The following ZNF717 variants were observed in gnomAD, a reference collection of about 807,000 sequenced individuals.
ZNF717 encodes krueppel-like factor X17.
Under a neutral mutation model 13.8 loss-of-function variants are expected in ZNF717, and 9 were observed. The ratio of observed to expected loss-of-function variants is 0.65; its 90% confidence interval spans 0.39 to 1.14. The LOEUF (loss-of-function observed/expected upper bound fraction) is 1.14. Among genes scored for constraint, ZNF717 ranks in the 50% most tolerant of loss-of-function variants. The pLI is 0.01. For synonymous variants in ZNF717, 327 were observed against 364.1 expected, an observed-to-expected ratio of 0.90 and a Z score of 1.16; for missense variants, 1,040 against 1,080.7, an observed-to-expected ratio of 0.96 and a Z score of 0.53.
chr3:75,773,183 C>T (rs1482962795), intron 2 of ZNF717, among the ~76,000 whole-genome samples: 11 of 151,886 alleles, frequency 7.2e-5, no homozygotes, highest in Non-Finnish European at 7.4e-5. Flanking sequence ...TCATTTTTCT[C>T]GCATGCTTAG....
intron 2 of ZNF717, among the ~76,000 whole-genome samples, chr3:75,764,775 A>T (rs1409952308): frequency 6.6e-6 from 1 of 152,002 alleles, no homozygotes; most frequent in Non-Finnish European, 1.5e-5. Context: ...TGAAACTGAA[A>T]CCCTTGTACA....
chr3:75,737,596 T>C lies in ZNF717; in HGVS notation c.2027A>G (p.Asp676Gly), dbSNP rs1418690148. Reference sequence around the variant, plus strand: ...AAAAAGTTTTTCCACATTCATTACATCCATACGGTTTTTCCCCGTGTGAGT... The same window carrying C: ...AAAAAGTTTTTCCACATTCATTACACCCATACGGTTTTTCCCCGTGTGAGT... Reference protein sequence around the residue: ...QRTHTGKNRMDVMNVEKLFVR... With the variant: ...QRTHTGKNRMGVMNVEKLFVR... Residue 676 changes from aspartate to glycine, a missense_variant, in exon 5 of 5, where the codon GAT (aspartate) becomes GGT (glycine). Physicochemically the swap from Asp to Gly is moderately conservative, Grantham distance 94 (BLOSUM62 -1). This residue lies in a region of ZNF717 where 873 missense variants were observed against 832.8 expected (regional missense o/e 1.05). Transcript: ENST00000652011. 1 of 1,544,380 alleles carries C rather than the reference T, an allele frequency of 6.5e-7. No individual in the cohort carries two copies. Among genetic ancestry groups the C allele is most frequent in the African/African-American group, 1.4e-5 (1 of 72,864 alleles).
intron 2 of ZNF717, among the ~76,000 whole-genome samples, chr3:75,781,475 A>T (rs187043524): frequency 4.0e-4 from 61 of 152,326 alleles, no homozygotes; most frequent in African/African-American, 1.3e-3. Flanking sequence ...TTTTAACAGA[A>T]CTAACACAGA....
At chr3:75,765,303 A>G (rs1943375524) in intron 2 of ZNF717, among the ~76,000 whole-genome samples, 1 of 152,174 alleles carries the variant, frequency 6.6e-6, no homozygotes, top group Non-Finnish European at 1.5e-5. Flanking sequence ...CTGCTACACA[A>G]CACTGTAAAT....
chr3:75,708,814 G>T (rs1575714738), downstream of ZNF717, among the ~76,000 whole-genome samples: 1 of 152,196 alleles, frequency 6.6e-6, no homozygotes, highest in Admixed American at 6.5e-5. Context: ...ATAAATGAAA[G>T]AGGTTTAATT....
At chr3:75,711,852 A>C (rs1167672324) in intron 5 of ZNF717, among the ~76,000 whole-genome samples, 2 of 152,238 alleles carry the variant, frequency 1.3e-5, no homozygotes, top group Non-Finnish European at 2.9e-5. Flanking sequence ...AGAAATTTTC[A>C]AAACAACTGT....
chr3:75,734,422 GGTTTTTTTTGTTTTTTT>G (rs1446684958), downstream of ZNF717, among the ~76,000 whole-genome samples: 1 of 49,004 alleles, frequency 2.0e-5, no homozygotes, highest in Non-Finnish European at 4.2e-5. Flanking sequence ...TGGTAAAATG[GGTTTTTTTTGTTTTTTT>G]GTTTTTTTTG....
At chr3:75,697,390 G>A (rs1469239861) in intron 6 of ZNF717, among the ~76,000 whole-genome samples, 12 of 152,216 alleles carry the variant, frequency 7.9e-5, no homozygotes, top group Admixed American at 2.0e-4. Context: ...TTTAATCATC[G>A]GGGTGGATTA....
downstream of ZNF717, chr3:75,731,973 T>C (rs1316364405): frequency 1.0e-5 from 7 of 678,354 alleles, no homozygotes; most frequent in East Asian, 8.1e-5. Context: ...AACTGGTGAA[T>C]TGCTGAAGGT....
chr3:75,779,112 A>C (rs1044106175), intron 2 of ZNF717, among the ~76,000 whole-genome samples: 20 of 151,940 alleles, frequency 1.3e-4, no homozygotes, highest in Non-Finnish European at 4.4e-5. Flanking sequence ...AAACAATGGG[A>C]TTGACGTGCT....
chr3:75,766,873 T>G (rs1943509883), intron 2 of ZNF717, among the ~76,000 whole-genome samples: 1 of 152,246 alleles, frequency 6.6e-6, no homozygotes, highest in Non-Finnish European at 1.5e-5. Context: ...AGTAATAAAC[T>G]TTGAAACACC....
intron 2 of ZNF717, among the ~76,000 whole-genome samples, chr3:75,766,695 T>C (rs557495786): frequency 3.6e-4 from 55 of 152,386 alleles, no homozygotes; most frequent in African/African-American, 1.2e-3. Flanking sequence ...CCAAATGGTA[T>C]TTATGAAGCA....
rs1156865425 is a variant in ZNF717 at position 75,746,708 on chromosome 3, C to T, written c.58-4972G>A. 2.0e-4 allele frequency among the ~76,000 whole-genome samples: 31 copies of T among 152,226 alleles called. No homozygotes were observed. The East Asian group carries it at 4.7e-3, about 23-fold the overall frequency. Reference sequence around the variant, plus strand: ...TTGAGAAGTGTCTGTTCATATCCTTCGCCCACTTGTTGATGGGTTTTTTCT... The same window carrying T: ...TTGAGAAGTGTCTGTTCATATCCTTTGCCCACTTGTTGATGGGTTTTTTCT... On this transcript the variant is annotated intron_variant, in intron 2 of 4. Coordinates refer to ENST00000652011, the MANE Select transcript of ZNF717 (RefSeq NM_001290208.3).
chr3:75,741,248 C>T, intron 4 of ZNF717, 28 bp downstream of exon 4: 1 of 1,401,274 alleles, frequency 7.1e-7, no homozygotes, highest in Non-Finnish European at 9.9e-7. Context: ...CTCCTCCAGG[C>T]CTCCCTGCCT....
At chr3:75,723,623 AG>A in intron 4 of ZNF717, among the ~76,000 whole-genome samples, 1 of 152,266 alleles carries the variant, frequency 6.6e-6, no homozygotes, top group South Asian at 2.1e-4. Flanking sequence ...TAGGAGCTGA[AG>A]GGACATGGTG....
intron 2 of ZNF717, among the ~76,000 whole-genome samples, chr3:75,750,616 C>T (rs78331884): frequency 6.6e-6 from 1 of 151,816 alleles, no homozygotes. Context: ...AACAGGATTC[C>T]AGAACACTGC....
chr3:75,762,128 A>T (rs1346928473), intron 2 of ZNF717, among the ~76,000 whole-genome samples: 2 of 152,080 alleles, frequency 1.3e-5, no homozygotes, highest in Non-Finnish European at 2.9e-5. Flanking sequence ...AAAACAAAAG[A>T]AAAGAAATTT....
intron 5 of ZNF717, among the ~76,000 whole-genome samples, chr3:75,715,608 C>T (rs79664814): frequency 5.8e-5 from 8 of 138,680 alleles, no homozygotes; most frequent in South Asian, 2.3e-4. Context: ...TCTTAACACA[C>T]GGTATTTTAG....
chr3:75,728,357 T>A (rs1275461754), downstream of ZNF717, among the ~76,000 whole-genome samples: 2 of 152,082 alleles, frequency 1.3e-5, no homozygotes, highest in African/African-American at 4.8e-5. Context: ...GAGACAGGTC[T>A]ATGCTTTTCT....
Sources: gnomAD v4.1 joint callset for allele counts (sites outside exome capture counted in the v4.1 genomes callset) on GRCh38, gnomAD v4.1.1 for gene constraint, gnomAD v4.1.1 regional missense constraint, MANE v1.5 for transcripts, NCBI Gene and HGNC (gene_info 2026-07-23, HGNC 2026-07-21) for gene names.